Variants in COL21A1 observed in about 807,000 individuals in gnomAD.
The protein encoded by COL21A1 is collagen type XXI alpha 1 chain.
Under a neutral mutation model 137.9 loss-of-function variants are expected in COL21A1, and 149 were observed. The ratio of observed to expected loss-of-function variants is 1.08; its 90% confidence interval spans 0.95 to 1.24. COL21A1 has a LOEUF of 1.24. COL21A1 is among the 50% of genes most tolerant of loss of function. COL21A1 has a pLI of 0.00. For missense variants in COL21A1, 1,167 were observed against 1,158.4 expected (o/e 1.01, Z -0.11); for synonymous variants, 456 against 391.5 (o/e 1.16, Z -1.95).
At chr6:56,221,853 A>G (rs1307541754) in intron 1 of COL21A1, among the ~76,000 whole-genome samples, 1 of 152,156 alleles carries the variant, frequency 6.6e-6, no homozygotes, top group Non-Finnish European at 1.5e-5. Flanking sequence ...AATGTTTTTG[A>G]AATAGATTAA....
chr6:56,300,879 G>C (rs1013295169), intron 1 of COL21A1, among the ~76,000 whole-genome samples: 1 of 152,062 alleles, frequency 6.6e-6, no homozygotes, highest in African/African-American at 2.4e-5. Context: ...CCCACCTTAA[G>C]GGGCTTTATT....
intron 7 of COL21A1, among the ~76,000 whole-genome samples, chr6:56,165,331 A>G (rs1432535483): frequency 6.6e-6 from 1 of 152,212 alleles, no homozygotes; most frequent in Non-Finnish European, 1.5e-5. Flanking sequence ...TTCAAAAATA[A>G]GAAGGTTGGA....
At chr6:56,277,061 C>T (rs886616925) in intron 1 of COL21A1, among the ~76,000 whole-genome samples, 6 of 151,956 alleles carry the variant, frequency 3.9e-5, no homozygotes, top group African/African-American at 1.5e-4. Flanking sequence ...ACCTCATGAT[C>T]CGCCCGCCTC....
intron 1 of COL21A1, among the ~76,000 whole-genome samples, chr6:56,348,723 T>C (rs1765645852): frequency 6.6e-6 from 1 of 152,178 alleles, no homozygotes; most frequent in Non-Finnish European, 1.5e-5. Context: ...CTGTTCAAGC[T>C]GGGGCCAGCC....
At chr6:56,375,350 T>C (rs114243844) in intron 1 of COL21A1, among the ~76,000 whole-genome samples, 3,303 of 152,274 alleles carry the variant, frequency 0.022, 132 homozygotes, top group African/African-American at 0.075. Flanking sequence ...AATCAGCTCC[T>C]TGTCCACTCG....
At chr6:56,263,468 G>A (rs993992240) in intron 1 of COL21A1, among the ~76,000 whole-genome samples, 20 of 152,154 alleles carry the variant, frequency 1.3e-4, no homozygotes, top group African/African-American at 4.8e-4. Context: ...AGGGTGTGGT[G>A]GGAAATAAGA....
chr6:56,392,782 T>C (rs1217502612), intron 1 of COL21A1, among the ~76,000 whole-genome samples: 1 of 152,094 alleles, frequency 6.6e-6, no homozygotes, highest in Admixed American at 6.5e-5. Context: ...GGAATAATCT[T>C]ACCCAATGAA....
At chr6:56,261,310 T>A (rs1218614662) in intron 1 of COL21A1, among the ~76,000 whole-genome samples, 1 of 152,194 alleles carries the variant, frequency 6.6e-6, no homozygotes, top group Non-Finnish European at 1.5e-5. Context: ...TATAGTCAGA[T>A]TACAAGATTA....
At chr6:56,177,073 G>A (rs1215076257) in intron 3 of COL21A1, among the ~76,000 whole-genome samples, 1 of 151,798 alleles carries the variant, frequency 6.6e-6, no homozygotes, top group African/African-American at 2.4e-5. Flanking sequence ...AGAAAAAGAA[G>A]TAGTAGTAGA....
In COL21A1 at chr6:56,179,589, T is replaced by C; in HGVS notation, c.629A>G (p.Lys210Arg). Residue 210 changes from lysine to arginine, a missense_variant, in exon 3 of 30, where the codon AAA becomes AGA. By Grantham distance (26) the Lys-to-Arg change is conservative. Coordinates refer to ENST00000244728, the MANE Select transcript of COL21A1 (RefSeq NM_030820.4). ...ATTTTAAGGCTTACCTTCACAAAGT[T>C]TCTGCTTCATCACTTCCCTTATTTT... ...ISKIREVMKQ[K>R]LCEESVCPTR... 6.2e-7 allele frequency: 1 copy of C among 1,607,786 alleles called. No homozygotes were observed. Among genetic ancestry groups the C allele is most frequent in the Non-Finnish European group, 8.5e-7 (1 of 1,175,436 alleles).
intron 1 of COL21A1, among the ~76,000 whole-genome samples, chr6:56,312,778 T>C (rs1764641745): frequency 6.6e-6 from 1 of 151,990 alleles, no homozygotes; most frequent in African/African-American, 2.4e-5. Flanking sequence ...ATGAGAATAA[T>C]GGACTGATAC....
chr6:56,306,419 T>A (rs1764454393), intron 1 of COL21A1, among the ~76,000 whole-genome samples: 1 of 152,178 alleles, frequency 6.6e-6, no homozygotes, highest in South Asian at 2.1e-4. Flanking sequence ...TCTTGGAGGC[T>A]TTATTCATTT....
intron 1 of COL21A1, among the ~76,000 whole-genome samples, chr6:56,236,251 G>C (rs540838773): frequency 7.9e-5 from 12 of 152,060 alleles, no homozygotes; most frequent in African/African-American, 2.4e-4. Flanking sequence ...AAGAAATAAG[G>C]CTTGTTTCTG....
chr6:56,297,760 A>G (rs2152336685), intron 1 of COL21A1, among the ~76,000 whole-genome samples: 1 of 152,256 alleles, frequency 6.6e-6, no homozygotes, highest in African/African-American at 2.4e-5. Context: ...TATGGTTCTC[A>G]AAAGGTCACA....
intron 1 of COL21A1, among the ~76,000 whole-genome samples, chr6:56,379,877 A>G (rs1452725827): frequency 6.6e-6 from 1 of 152,138 alleles, no homozygotes; most frequent in Non-Finnish European, 1.5e-5. Flanking sequence ...TTAATGTGAT[A>G]ATTTTTCTTA....
intron 1 of COL21A1, among the ~76,000 whole-genome samples, chr6:56,369,465 G>A (rs568075687): frequency 3.9e-5 from 6 of 152,036 alleles, no homozygotes; most frequent in Non-Finnish European, 7.4e-5. Flanking sequence ...AGTGTCTGAT[G>A]TTGAGACCCA....
At position 56,329,055 on chromosome 6, in the gene COL21A1, A is replaced by G. The variant is rs1187751779; in HGVS notation, c.-39+64916T>C. ...GGGTTGTGTGACCACAGGGCAAGCA[A>G]TGTATGGCTTTCTCATTTCAGTTTT... On this transcript the variant is annotated intron_variant, in intron 1 of 28. Transcript: ENST00000370819. Among the ~76,000 whole-genome samples, 3 of 152,246 alleles carry G rather than the reference A, an allele frequency of 2.0e-5. No individual in the cohort carries two copies. The South Asian group carries it at 6.2e-4, about 32-fold the overall frequency.
intron 22 of COL21A1, among the ~76,000 whole-genome samples, chr6:56,068,449 A>G (rs1004901750): frequency 2.6e-5 from 4 of 151,642 alleles, no homozygotes; most frequent in Non-Finnish European, 5.9e-5. Context: ...ATTTATATAC[A>G]TACAAGTCAA....
At chr6:56,108,268 G>A (rs1228996512) in intron 16 of COL21A1, among the ~76,000 whole-genome samples, 1 of 151,846 alleles carries the variant, frequency 6.6e-6, no homozygotes, top group Non-Finnish European at 1.5e-5. Context: ...AAACCTATCA[G>A]ACAATGGGTG....
Sources: gnomAD v4.1 joint callset for allele counts (sites outside exome capture counted in the v4.1 genomes callset) on GRCh38, gnomAD v4.1.1 for gene constraint, MANE v1.5 for transcripts, NCBI Gene and HGNC (gene_info 2026-07-23, HGNC 2026-07-21) for gene names.